TFEC: variants seen among roughly 807,000 people sequenced by gnomAD.
The protein encoded by TFEC is transcription factor EC.
TFEC carries 31 observed loss-of-function variants against 41.6 expected under a neutral mutation model. The observed-to-expected ratio is 0.74, with a 90% CI of 0.56 to 1.01. The LOEUF is 1.01. TFEC is among the 50% of genes least tolerant of loss of function. The pLI, the probability that TFEC is intolerant of heterozygous loss-of-function variation, is 0.00. For missense variants in TFEC, 402 were observed against 404.1 expected, an observed-to-expected ratio of 0.99 and a Z score of 0.04; for synonymous variants, 143 against 140.6, an observed-to-expected ratio of 1.02 and a Z score of -0.12.
intron 3 of TFEC, among the ~76,000 whole-genome samples, chr7:115,960,271 G>A (rs1792469294): frequency 6.6e-6 from 1 of 151,422 alleles, no homozygotes. Context: ...ATAAAACGAA[G>A]TTTTATAGTT....
chr7:116,045,297 A>T lies in TFEC; in HGVS notation c.199-60784T>A, dbSNP rs115471198. ...ACTCTTGTTATATTTTAGCAATGAG[A>T]CTGGCGGCATTTTGCCCCTGCCCTA... On this transcript the variant is annotated intron_variant, in intron 3 of 8. Transcript: ENST00000484212. 7.8e-3 allele frequency among the ~76,000 whole-genome samples: 1,183 copies of T among 152,334 alleles called. 14 individuals are homozygous for T. The highest frequency in any genetic ancestry group is 0.026 in the African/African-American group (1,084 of 41,580).
rs1348070121 is a variant in TFEC, at chr7:115,990,637, T to C, written c.-72-6124A>G. ...CAAGTGGAAGAAAGGGTATCAGTGA[T>C]TGAAGATCAAAGGAATGAAATGAAA... is the stretch of plus-strand genomic sequence containing the variant. On this transcript the variant is annotated intron_variant, in intron 1 of 7. Coordinates refer to ENST00000265440, the MANE Select transcript of TFEC (RefSeq NM_012252.4). 2.6e-5 allele frequency among the ~76,000 whole-genome samples: 4 copies of C among 152,046 alleles called. No individual in the cohort carries two copies. The East Asian group carries it at 5.8e-4, about 22-fold the overall frequency.
chr7:116,077,717 G>A (rs1796993000), intron 3 of TFEC, among the ~76,000 whole-genome samples: 2 of 151,912 alleles, frequency 1.3e-5, no homozygotes, highest in African/African-American at 4.8e-5. Flanking sequence ...TAGTTCAACA[G>A]GAAAATATCA....
At chr7:116,098,170 T>C (rs928518435) in intron 3 of TFEC, among the ~76,000 whole-genome samples, 7 of 151,976 alleles carry the variant, frequency 4.6e-5, no homozygotes, top group African/African-American at 9.7e-5. Context: ...TTTTTTTTTC[T>C]TTTTTTTGAG....
At chr7:115,962,586 G>T (rs1431188591) in intron 3 of TFEC, among the ~76,000 whole-genome samples, 4 of 151,688 alleles carry the variant, frequency 2.6e-5, no homozygotes, top group Non-Finnish European at 5.9e-5. Context: ...ACCACTCAGT[G>T]GGGAAAGGAA....
chr7:116,039,421 C>CTGTGTGTG (rs140778741), intron 3 of TFEC, among the ~76,000 whole-genome samples: 8 of 144,340 alleles, frequency 5.5e-5, no homozygotes, highest in South Asian at 2.2e-4. Context: ...AAAGAAAATT[C>CTGTGTGTG]TGTGTGTGTG....
intron 1 of TFEC, among the ~76,000 whole-genome samples, chr7:116,012,189 T>C (rs1037859857): frequency 6.6e-6 from 1 of 152,214 alleles, no homozygotes; most frequent in Middle Eastern, 3.2e-3. Flanking sequence ...TTAGATTCAG[T>C]AAAATTTCTT....
intron 1 of TFEC, chr7:116,120,191 G>A (rs1798080930): frequency 6.6e-6 from 1 of 151,884 alleles, no homozygotes; most frequent in Non-Finnish European, 1.5e-5. Context: ...TTCTGTGTTT[G>A]TAGAACCCCT....
intron 3 of TFEC, among the ~76,000 whole-genome samples, chr7:116,073,833 A>C (rs111880240): frequency 6.4e-4 from 97 of 152,146 alleles, no homozygotes; most frequent in African/African-American, 2.2e-3. Context: ...AATAATAGAC[A>C]TAGATCAATA....
At chr7:116,043,024 C>A (rs1796077035) in intron 3 of TFEC, among the ~76,000 whole-genome samples, 3 of 152,230 alleles carry the variant, frequency 2.0e-5, no homozygotes, top group East Asian at 3.9e-4. Context: ...ACTGCCTTGA[C>A]TTCTCATGTT....
chr7:115,968,086 A>G (rs1426003282), intron 3 of TFEC: 3 of 1,230,444 alleles, frequency 2.4e-6, no homozygotes, highest in Admixed American at 2.9e-5. Flanking sequence ...ATGTTCACAT[A>G]CCTTATTTTA....
chr7:115,984,259 T>A lies in TFEC; in HGVS notation c.180+3A>T. ...TATTTTTATAACCAGCCATTAGACA[T>A]ACATGCCATTGTGCATTGTCATCTT... is the stretch of plus-strand genomic sequence containing the variant. On this transcript the variant is annotated splice_donor_region_variant and intron_variant, in intron 2 of 7. Coordinates refer to ENST00000265440, the MANE Select transcript of TFEC (RefSeq NM_012252.4). 1 of 1,612,816 alleles carries A rather than the reference T, an allele frequency of 6.2e-7. No homozygotes were observed. The highest frequency in any genetic ancestry group is 1.1e-5 in the South Asian group (1 of 91,040).
At chr7:115,973,262 G>GA (rs1793217182) in intron 3 of TFEC, among the ~76,000 whole-genome samples, 1 of 151,732 alleles carries the variant, frequency 6.6e-6, no homozygotes, top group Non-Finnish European at 1.5e-5. Flanking sequence ...AATTGATACA[G>GA]AAAAAAGGGA....
upstream of TFEC, among the ~76,000 whole-genome samples, chr7:116,035,414 T>C (rs1409727169): frequency 2.6e-5 from 4 of 152,122 alleles, no homozygotes; most frequent in Non-Finnish European, 5.9e-5. Context: ...TGTATGTGTA[T>C]GAACTGAGGA....
intron 6 of TFEC, among the ~76,000 whole-genome samples, chr7:115,944,630 T>C (rs770161175): frequency 5.3e-5 from 8 of 151,634 alleles, no homozygotes; most frequent in Admixed American, 1.3e-4. Flanking sequence ...AACTCCAAAA[T>C]ATATTCCAAT....
At chr7:116,026,011 C>A (rs1795570640) in intron 1 of TFEC, among the ~76,000 whole-genome samples, 1 of 152,164 alleles carries the variant, frequency 6.6e-6, no homozygotes, top group Admixed American at 6.5e-5. Context: ...AATGTGTCTT[C>A]CAAATGGCCA....
chr7:116,085,943 T>C (rs988789830), intron 3 of TFEC, among the ~76,000 whole-genome samples: 7 of 151,836 alleles, frequency 4.6e-5, no homozygotes, highest in Non-Finnish European at 1.0e-4. Flanking sequence ...ACATTAACAT[T>C]AGGGTGGCAA....
intron 3 of TFEC, among the ~76,000 whole-genome samples, chr7:116,055,747 G>A (rs1796415079): frequency 2.6e-5 from 4 of 151,930 alleles, no homozygotes; most frequent in Admixed American, 2.6e-4. Flanking sequence ...ATTTTTTTCT[G>A]TAAATAAGAA....
chr7:116,055,071 T>C (rs962233798), intron 3 of TFEC, among the ~76,000 whole-genome samples: 13 of 152,166 alleles, frequency 8.5e-5, no homozygotes, highest in African/African-American at 1.7e-4. Context: ...ATATGTGTAA[T>C]AGGATGCCAG....
Sources: allele counts gnomAD v4.1 joint callset (sites outside exome capture counted in the v4.1 genomes callset), GRCh38; gene constraint gnomAD v4.1.1; transcripts MANE v1.5; gene names NCBI Gene and HGNC (gene_info 2026-07-23, HGNC 2026-07-21).